The following SASH1 variants were observed in gnomAD, a reference collection of about 807,000 sequenced individuals.
SASH1 encodes SAM and SH3 domain-containing protein 1.
In SASH1, 44 loss-of-function variants were observed where a neutral mutation model predicts 125.2. The ratio of observed to expected loss-of-function variants is 0.35; its 90% CI spans 0.28 to 0.45. The LOEUF is 0.45. Ranked by LOEUF, SASH1 falls within the 20% of genes least tolerant of loss-of-function variation. The pLI is 1.00. For synonymous variants in SASH1, 639 were observed against 649.1 expected (o/e 0.98, Z 0.24); for missense variants, 1,426 against 1,614.5 (o/e 0.88, Z 2.00).
intron 4 of SASH1, among the ~76,000 whole-genome samples, chr6:148,467,278 G>A (rs1339686755): frequency 1.3e-5 from 2 of 151,896 alleles, no homozygotes; most frequent in Non-Finnish European, 2.9e-5. Context: ...TGTATTTTTA[G>A]TAGAGACGGA....
intron 1 of SASH1, among the ~76,000 whole-genome samples, chr6:148,366,124 GA>G (rs55775118): frequency 0.27 from 39,958 of 145,380 alleles, 5,504 homozygotes; most frequent in Non-Finnish European, 0.32. Context: ...AAAAAGAAAA[GA>G]AAAAAAAAAA....
At chr6:148,302,855 C>G (rs1004353937) in intron 1 of SASH1, among the ~76,000 whole-genome samples, 6 of 150,510 alleles carry the variant, frequency 4.0e-5, no homozygotes, top group East Asian at 3.9e-4. Context: ...CACACACACA[C>G]ACAGAGAGAA....
the SASH1 span, among the ~76,000 whole-genome samples, chr6:148,216,606 G>A: frequency 6.6e-6 from 1 of 152,338 alleles, no homozygotes; most frequent in East Asian, 1.9e-4. Context: ...GAGACGACCA[G>A]TCAGGTCCGT....
In SASH1 at chr6:148,548,493, C is replaced by G. The variant is rs1782699557; in HGVS notation, c.3679C>G (p.His1227Asp). 6 of 1,614,120 alleles carry G rather than the reference C, an allele frequency of 3.7e-6. No homozygotes were observed. Among genetic ancestry groups the G allele is most frequent in the Non-Finnish European group, 5.1e-6 (6 of 1,179,980 alleles). Residue 1227 changes from histidine to aspartate, a missense_variant, in exon 20 of 20, where the codon CAC (histidine) becomes GAC (aspartate). By Grantham distance (81) the His-to-Asp change is moderately conservative. Around this residue, in one of 3 missense-constraint regions of SASH1, gnomAD observed 634 missense variants for 694.4 expected, o/e 0.91. Transcript: ENST00000367467. Reference protein sequence around the residue: ...LQEAGITEERHIRKLLSAARL... With the variant: ...LQEAGITEERDIRKLLSAARL... ...GGAGGCCGGCATCACAGAGGAGAGA[C>G]ACATAAGAAAGCTCCTATCTGCAGC...
At chr6:148,535,117 C>A (rs941583437) in intron 16 of SASH1, among the ~76,000 whole-genome samples, 1 of 152,188 alleles carries the variant, frequency 6.6e-6, no homozygotes, top group Non-Finnish European at 1.5e-5. Context: ...TGCTTAGGTC[C>A]CTGGAGTCAC....
chr6:148,427,470 C>A (rs980245788), intron 2 of SASH1, among the ~76,000 whole-genome samples: 1 of 152,212 alleles, frequency 6.6e-6, no homozygotes, highest in African/African-American at 2.4e-5. Flanking sequence ...TAACACAACA[C>A]TCACATCTTA....
At position 148,306,169 on chromosome 6, in the gene SASH1, G is replaced by C. The variant is rs574044598; in HGVS notation, n.74+33792G>C. Among the ~76,000 whole-genome samples the C allele has an allele frequency of 6.0e-4, 92 of 152,298 alleles. No individual in the cohort carries two copies. In the South Asian group the frequency reaches 0.018, roughly 30 times the overall value. The stretch of plus-strand genomic sequence containing the variant: ...AGCAACTGCTAAAACTTTGGCAGGT[G>C]GGGGGCACAGGTAAGAATAGACATA... On this transcript the variant is annotated intron_variant and non_coding_transcript_variant, in intron 1 of 3. Coordinates refer to the SASH1 transcript ENST00000367469.
intron 1 of SASH1, among the ~76,000 whole-genome samples, chr6:148,284,001 T>C (rs1201649754): frequency 6.6e-6 from 1 of 152,140 alleles, no homozygotes; most frequent in Admixed American, 6.5e-5. Context: ...GAGTGTTAGC[T>C]ATAGTCCATT....
chr6:148,400,746 G>A (rs61587774), intron 2 of SASH1, among the ~76,000 whole-genome samples: 23,887 of 151,918 alleles, frequency 0.16, 2,042 homozygotes, highest in South Asian at 0.31. Flanking sequence ...GTGAGACTTT[G>A]TCTGGGGGAA....
intron 2 of SASH1, among the ~76,000 whole-genome samples, chr6:148,433,667 G>A (rs1479213161): frequency 2.0e-5 from 3 of 152,020 alleles, no homozygotes; most frequent in African/African-American, 7.2e-5. Flanking sequence ...GCTTCCCAAA[G>A]TGCTGGTGAG....
intron 2 of SASH1, among the ~76,000 whole-genome samples, chr6:148,418,330 C>A (rs1437216848): frequency 6.6e-6 from 1 of 152,202 alleles, no homozygotes; most frequent in Non-Finnish European, 1.5e-5. Flanking sequence ...TAAACAAGGA[C>A]AAATGGCAGT....
At chr6:148,349,248 C>CTTTTTTTTTT (rs1781627053) in intron 1 of SASH1, among the ~76,000 whole-genome samples, 1 of 66,246 alleles carries the variant, frequency 1.5e-5, no homozygotes, top group Non-Finnish European at 2.7e-5. Flanking sequence ...TTTCTTCTTT[C>CTTTTTTTTTT]TTTCTTTTTT....
At chr6:148,394,172 C>A (rs1046788473) in intron 2 of SASH1, among the ~76,000 whole-genome samples, 1 of 152,030 alleles carries the variant, frequency 6.6e-6, no homozygotes, top group Non-Finnish European at 1.5e-5. Flanking sequence ...GGATTACAGG[C>A]GTGAGTCACT....
At chr6:148,310,167 C>A (rs998156167) in intron 1 of SASH1, among the ~76,000 whole-genome samples, 7 of 151,872 alleles carry the variant, frequency 4.6e-5, no homozygotes, top group Non-Finnish European at 8.8e-5. Context: ...ACTAAAAATA[C>A]AAAAATTAGC....
intron 1 of SASH1, among the ~76,000 whole-genome samples, chr6:148,322,966 T>C (rs1324085582): frequency 1.5e-5 from 2 of 137,674 alleles, no homozygotes. Flanking sequence ...TCCCTCCCTC[T>C]CTACTTCCCT....
intron 2 of SASH1, among the ~76,000 whole-genome samples, chr6:148,439,548 G>T (rs942270168): frequency 6.6e-6 from 1 of 152,182 alleles, no homozygotes; most frequent in South Asian, 2.1e-4. Context: ...GGAAGCTGAG[G>T]GGGGCGGATC....
chr6:148,356,534 G>A (rs1198440443), intron 1 of SASH1, among the ~76,000 whole-genome samples: 2 of 96,422 alleles, frequency 2.1e-5, no homozygotes, highest in African/African-American at 4.3e-5. Flanking sequence ...TTTTGCTCTT[G>A]TCTTGGCTCA....
At chr6:148,527,336 G>GTC (rs1372651248) in intron 11 of SASH1, 117 bp from the exon 12 acceptor site, 1 of 892,440 alleles carries the variant, frequency 1.1e-6, no homozygotes, top group Admixed American at 3.3e-5. Context: ...CAAGAAAAAC[G>GTC]TCAAGATCCA....
the SASH1 span, among the ~76,000 whole-genome samples, chr6:148,230,666 AAC>A: frequency 6.6e-6 from 1 of 152,196 alleles, no homozygotes; most frequent in African/African-American, 2.4e-5. Context: ...CATTCTTGTG[AAC>A]ACCTGTCAAT....
Sources: gnomAD v4.1 joint callset for allele counts (sites outside exome capture counted in the v4.1 genomes callset) on GRCh38, gnomAD v4.1.1 for gene constraint, gnomAD v4.1.1 regional missense constraint, MANE v1.5 for transcripts, NCBI Gene and HGNC (gene_info 2026-07-23, HGNC 2026-07-21) for gene names.